DTX4: variants seen among roughly 807,000 people sequenced by gnomAD.
DTX4 encodes the protein deltex E3 ubiquitin ligase 4.
A neutral mutation model predicts 57.6 loss-of-function variants in DTX4; 28 were observed. That is an observed-to-expected ratio of 0.49 (90% CI 0.36 to 0.67). The LOEUF (loss-of-function observed/expected upper bound fraction) is 0.67, where lower values mean the gene tolerates loss of function less well. Among genes scored for constraint, DTX4 ranks in the 30% least tolerant of loss-of-function variants. The pLI, the probability that DTX4 is intolerant of heterozygous loss-of-function variation, is 0.00. For missense variants in DTX4, 715 were observed against 836.8 expected (o/e 0.85, Z 1.80); for synonymous variants, 316 against 331.0 (o/e 0.95, Z 0.49).
chr11:59,192,382 T>A (rs1862611271), intron 6 of DTX4, 132 bp downstream of exon 6: 6 of 1,055,010 alleles, frequency 5.7e-6, no homozygotes, highest in African/African-American at 1.6e-5. Flanking sequence ...GCAAGAGTGA[T>A]GATCTTGGCT....
chr11:59,172,555 C>G lies in DTX4; in HGVS notation c.-41C>G. ...GCGGAGGAGGTCGGGCGCTCGGGGC[C>G]CGGGAGGCGGGCCGCGCAGCGCCGC... is the stretch of plus-strand genomic sequence containing the variant. On this transcript the variant is annotated 5_prime_UTR_variant, in exon 1 of 9. Transcript: ENST00000227451. 1.5e-6 allele frequency: 2 copies of G among 1,295,460 alleles called. No homozygotes were observed. The highest frequency in any genetic ancestry group is 2.0e-6 in the Non-Finnish European group (2 of 1,017,840). 80.2% of individuals were successfully genotyped at this position (1,295,460 alleles called of 1,614,324 possible). A position where few individuals can be genotyped will look rare whatever the true frequency, so the allele number is the denominator to read the frequency against.
intron 1 of DTX4, among the ~76,000 whole-genome samples, chr11:59,173,989 G>A (rs2135509383): frequency 6.6e-6 from 1 of 152,300 alleles, no homozygotes; most frequent in East Asian, 1.9e-4. Context: ...TAGAGAAGAT[G>A]ACTCGGAAAG....
chr11:59,190,762 A>G (rs1862587697), intron 4 of DTX4, among the ~76,000 whole-genome samples: 1 of 152,236 alleles, frequency 6.6e-6, no homozygotes, highest in African/African-American at 2.4e-5. Flanking sequence ...AAGACTGCCT[A>G]ACATCTATTT....
In DTX4 at chr11:59,192,094, C is replaced by T; in HGVS notation, c.1222-4C>T. On this transcript the variant is annotated splice_polypyrimidine_tract_variant and splice_region_variant and intron_variant, in intron 5 of 8. Coordinates refer to ENST00000227451, the MANE Select transcript of DTX4 (RefSeq NM_015177.2). Reference sequence around the variant, plus strand: ...CCTCTCTGCTGTGTCTCCTCCCTCCCCAGGACTGCACCATCTGTATGGAAC... The same window carrying T: ...CCTCTCTGCTGTGTCTCCTCCCTCCTCAGGACTGCACCATCTGTATGGAAC... The T allele has an allele frequency of 6.2e-7, 1 of 1,611,900 alleles. No homozygotes were observed. The highest frequency in any genetic ancestry group is 8.5e-7 in the Non-Finnish European group (1 of 1,178,954).
chr11:59,172,920 G>A (rs1451365945), intron 1 of DTX4, 114 bp downstream of exon 1: 1 of 725,636 alleles, frequency 1.4e-6, no homozygotes, highest in African/African-American at 1.9e-5. Context: ...CTGTGCAGCA[G>A]TGTCACCAAG....
chr11:59,197,585 G>C (rs907634192), intron 7 of DTX4, among the ~76,000 whole-genome samples: 4 of 152,160 alleles, frequency 2.6e-5, no homozygotes, highest in African/African-American at 9.7e-5. Flanking sequence ...ATGGAATTAT[G>C]CTCTAGGAAG....
intron 8 of DTX4, among the ~76,000 whole-genome samples, chr11:59,201,005 G>A (rs1862734450): frequency 6.6e-6 from 1 of 152,184 alleles, no homozygotes; most frequent in African/African-American, 2.4e-5. Flanking sequence ...CATAGACGGG[G>A]TGCCTTATAA....
At chr11:59,181,227 A>G in intron 1 of DTX4, among the ~76,000 whole-genome samples, 1 of 152,178 alleles carries the variant, frequency 6.6e-6, no homozygotes, top group Non-Finnish European at 1.5e-5. Context: ...CATTATGAGC[A>G]CCTACTGTGT....
rs779949599 is a variant in DTX4 at position 59,189,256 on chromosome 11, T to A, written c.1092T>A (p.Ser364Arg). ...TACACCCACCCCCCGTCAGCAAGAG[T>A]GAAATAAAATCCATCCCAGGGGTTT... ...LVLHPPPVSK[S>R]EIKSIPGVSN... The change falls in exon 4 of 9, where the codon AGT (serine) becomes AGA (arginine). Residue 364 changes from serine (S) to arginine (R), a missense_variant. Transcript: ENST00000227451. 3 of 1,603,364 alleles carry A rather than the reference T, an allele frequency of 1.9e-6. No homozygotes were observed. The South Asian group carries it at 3.4e-5, about 18-fold the overall frequency.
At chr11:59,200,396 A>G (rs1027278889) in intron 8 of DTX4, among the ~76,000 whole-genome samples, 1 of 152,276 alleles carries the variant, frequency 6.6e-6, no homozygotes, top group African/African-American at 2.4e-5. Context: ...TAATTCATCT[A>G]TTTTAAGATC....
chr11:59,196,572 C>G (rs1862673617), intron 7 of DTX4, among the ~76,000 whole-genome samples: 1 of 152,216 alleles, frequency 6.6e-6, no homozygotes, highest in African/African-American at 2.4e-5. Flanking sequence ...CCAGGGGTTC[C>G]CAACCCTCAG....
chr11:59,199,604 G>GA, intron 7 of DTX4, 80 bp from the exon 8 acceptor site: 5 of 1,075,338 alleles, frequency 4.6e-6, no homozygotes, highest in Non-Finnish European at 6.9e-6. Flanking sequence ...CATTATTATT[G>GA]AAATTAGTCA....
At chr11:59,190,129 C>T (rs781644890) in intron 4 of DTX4, among the ~76,000 whole-genome samples, 16 of 152,270 alleles carry the variant, frequency 1.1e-4, no homozygotes, top group South Asian at 2.1e-4. Context: ...GGGCCTGCAT[C>T]GAAGCTTTTG....
rs1349555331 is a variant in DTX4, at chr11:59,183,785, G to A, written c.935+1323G>A. ...CTACTCCTACCTCTGTCACTGGGGT[G>A]AGCCACAGAATCTTTGCAAGATCCA... On this transcript the variant is annotated intron_variant, in intron 2 of 8. Coordinates refer to ENST00000227451, the MANE Select transcript of DTX4 (RefSeq NM_015177.2). 2.6e-5 allele frequency among the ~76,000 whole-genome samples: 4 copies of A among 152,198 alleles called. 1 individual carries two copies. Among genetic ancestry groups the A allele is most frequent in the Non-Finnish European group, 1.5e-5 (1 of 68,032 alleles).
At chr11:59,200,555 C>T (rs1862729072) in intron 8 of DTX4, among the ~76,000 whole-genome samples, 2 of 152,174 alleles carry the variant, frequency 1.3e-5, no homozygotes, top group African/African-American at 4.8e-5. Context: ...GCTGGAGAAA[C>T]ACTGGTCTGG....
In DTX4 at chr11:59,195,380, C is replaced by G; in HGVS notation, c.1536+11C>G. 1 of 1,594,830 alleles carries G rather than the reference C, an allele frequency of 6.3e-7. No homozygotes were observed. Among genetic ancestry groups the G allele is most frequent in the Non-Finnish European group, 8.6e-7 (1 of 1,167,536 alleles). On this transcript the variant is annotated intron_variant, in intron 7 of 8. Coordinates refer to ENST00000227451, the MANE Select transcript of DTX4 (RefSeq NM_015177.2). ...CCCCCCGGCATTCAGGTGAGCCTTT[C>G]TCTCAGGTGAGCCTTTCTGTCACCC... is the stretch of plus-strand genomic sequence containing the variant.
chr11:59,177,257 C>A (rs1372228132), intron 1 of DTX4, among the ~76,000 whole-genome samples: 2 of 152,186 alleles, frequency 1.3e-5, no homozygotes, highest in East Asian at 3.8e-4. Flanking sequence ...CATGCCCAGG[C>A]CCTGGAGATG....
rs1352012145 is a variant in DTX4, at chr11:59,195,248, G to T, written c.1415G>T (p.Gly472Val). 6.2e-7 allele frequency: 1 copy of T among 1,613,900 alleles called. No individual in the cohort carries two copies. Among genetic ancestry groups the T allele is most frequent in the Admixed American group, 1.7e-5 (1 of 60,004 alleles). Reference protein sequence around the residue: ...LQCPTCKTIYGVKTGTQPPGK... With the variant: ...LQCPTCKTIYVVKTGTQPPGK... ...TGTCCAACCTGCAAGACCATTTATG[G>T]GGTGAAGACAGGCACCCAACCTCCA... The change falls in exon 7 of 9, where the codon GGG becomes GTG. Residue 472 changes from glycine to valine, a missense_variant. By Grantham distance (109) the Gly-to-Val change is moderately radical (BLOSUM62 -3). Coordinates refer to ENST00000227451, the MANE Select transcript of DTX4 (RefSeq NM_015177.2).
At chr11:59,188,849 A>C (rs1862561009) in intron 3 of DTX4, 53 bp downstream of exon 3, 1 of 1,489,214 alleles carries the variant, frequency 6.7e-7, no homozygotes, top group South Asian at 1.1e-5. Flanking sequence ...CAGAGTGATG[A>C]AATAGGTCAT....
Sources: allele counts gnomAD v4.1 joint callset (sites outside exome capture counted in the v4.1 genomes callset), GRCh38; gene constraint gnomAD v4.1.1; transcripts MANE v1.5; gene names NCBI Gene and HGNC (gene_info 2026-07-23, HGNC 2026-07-21).